The following MCCC1 variants were observed in gnomAD, a reference collection of about 807,000 sequenced individuals.
MCCC1 encodes methylcrotonyl-CoA carboxylase subunit 1.
In MCCC1, 64 loss-of-function variants were observed where a neutral mutation model predicts 83.8. That is an observed-to-expected ratio of 0.76 (90% CI 0.62 to 0.94). MCCC1 has a LOEUF of 0.94. Ranked by LOEUF, MCCC1 falls within the 40% of genes least tolerant of loss-of-function variation. The probability of loss-of-function intolerance (pLI) is 0.00; values close to 1 mark genes in which losing one functional copy is unlikely to be tolerated. For synonymous variants in MCCC1, 322 were observed against 315.4 expected (o/e 1.02, Z -0.22); for missense variants, 807 against 904.7 (o/e 0.89, Z 1.39).
At chr3:183,044,183 A>T (rs1714342282) in intron 10 of MCCC1, among the ~76,000 whole-genome samples, 1 of 152,240 alleles carries the variant, frequency 6.6e-6, no homozygotes, top group African/African-American at 2.4e-5. Context: ...TGCAGGATAT[A>T]CAAGGAACCA....
At chr3:183,020,350 G>T in intron 16 of MCCC1, 113 bp from the exon 17 acceptor site, 1 of 909,534 alleles carries the variant, frequency 1.1e-6, no homozygotes, top group Non-Finnish European at 1.7e-6. Context: ...TAGTCATCAT[G>T]GCCAGGCCCA....
upstream of MCCC1, among the ~76,000 whole-genome samples, chr3:183,101,102 C>G (rs1389805507): frequency 1.3e-5 from 2 of 152,258 alleles, no homozygotes; most frequent in African/African-American, 2.4e-5. Flanking sequence ...GCGCTGCGCT[C>G]GATTTCTCGC....
intron 11 of MCCC1, among the ~76,000 whole-genome samples, chr3:183,040,142 G>A (rs575177273): frequency 2.8e-4 from 42 of 150,448 alleles, no homozygotes; most frequent in African/African-American, 9.3e-4. Context: ...GGAACCGGTG[G>A]GGCAAGCAGA....
Position 183,021,026 on chromosome 3 carries a change from C to G in MCCC1, c.1870-789G>C, listed in dbSNP as rs1460770086. 3.4e-4 allele frequency among the ~76,000 whole-genome samples: 51 copies of G among 152,174 alleles called. 1 individual carries two copies. Among genetic ancestry groups the G allele is most frequent in the Admixed American group, 3.3e-3 (50 of 15,276 alleles). ...AGTGAGCCGAGATGGCACCACTGCA[C>G]TCCAACCTGGACAACAGAGCAAGAC... On this transcript the variant is annotated intron_variant, in intron 16 of 18. Transcript: ENST00000265594.
chr3:183,019,359 T>C (rs1166449548), intron 17 of MCCC1, among the ~76,000 whole-genome samples: 3 of 152,176 alleles, frequency 2.0e-5, no homozygotes, highest in Admixed American at 6.5e-5. Flanking sequence ...TCCAGGATGA[T>C]GGTATTTGGA....
At chr3:183,049,672 G>A (rs779489702) in intron 9 of MCCC1, among the ~76,000 whole-genome samples, 6 of 151,704 alleles carry the variant, frequency 4.0e-5, no homozygotes, top group African/African-American at 7.3e-5. Flanking sequence ...TGCTAGTAAC[G>A]GAACAAAAAG....
At chr3:183,107,060 T>C (rs1444842337) in intron 1 of MCCC1, among the ~76,000 whole-genome samples, 1 of 152,224 alleles carries the variant, frequency 6.6e-6, no homozygotes, top group East Asian at 1.9e-4. Flanking sequence ...TGATACATAC[T>C]ATTATTTATT....
intron 14 of MCCC1, among the ~76,000 whole-genome samples, chr3:183,026,665 G>A (rs1020000850): frequency 2.6e-5 from 4 of 151,954 alleles, no homozygotes; most frequent in Non-Finnish European, 5.9e-5. Flanking sequence ...AGCTGAGATC[G>A]CACCACTGCA....
chr3:183,101,120 T>C (rs1182144342), upstream of MCCC1, among the ~76,000 whole-genome samples: 1 of 152,252 alleles, frequency 6.6e-6, no homozygotes, highest in Non-Finnish European at 1.5e-5. Flanking sequence ...CGCCGGGCCT[T>C]GGCTGCCTTC....
intron 14 of MCCC1, among the ~76,000 whole-genome samples, chr3:183,029,360 AGAC>A (rs937062607): frequency 1.1e-4 from 17 of 152,308 alleles, no homozygotes; most frequent in African/African-American, 4.1e-4. Flanking sequence ...TGGTGACTTA[AGAC>A]GAACATGGCG....
intron 4 of MCCC1, among the ~76,000 whole-genome samples, chr3:183,080,314 C>A (rs1717396689): frequency 6.6e-6 from 1 of 152,202 alleles, no homozygotes; most frequent in African/African-American, 2.4e-5. Flanking sequence ...GAATGCTTTT[C>A]TGCTTAGAAA....
intron 1 of MCCC1, chr3:183,098,742 C>T (rs546736692): frequency 6.5e-6 from 1 of 154,526 alleles, no homozygotes; most frequent in African/African-American, 2.4e-5. Flanking sequence ...CATCTGATAG[C>T]GTTGTTCAAA....
chr3:183,100,732 C>T (rs1033875447), upstream of MCCC1, among the ~76,000 whole-genome samples: 1 of 152,262 alleles, frequency 6.6e-6, no homozygotes, highest in African/African-American at 2.4e-5. Flanking sequence ...TGACAGCGTG[C>T]TGGCAGTCCT....
chr3:183,103,810 G>C (rs980969532), upstream of MCCC1, among the ~76,000 whole-genome samples: 4 of 152,286 alleles, frequency 2.6e-5, no homozygotes, highest in East Asian at 3.9e-4. Flanking sequence ...GGCGCTCATC[G>C]GGAAGGCTCG....
chr3:183,079,109 A>ATATGGGC (rs1717299378), intron 4 of MCCC1, among the ~76,000 whole-genome samples: 1 of 152,178 alleles, frequency 6.6e-6, no homozygotes, highest in Non-Finnish European at 1.5e-5. Context: ...GGGGACACAG[A>ATATGGGC]ACCAAACCAT....
At chr3:183,091,514 G>A (rs1204170166) in intron 3 of MCCC1, among the ~76,000 whole-genome samples, 1 of 152,150 alleles carries the variant, frequency 6.6e-6, no homozygotes, top group Non-Finnish European at 1.5e-5. Context: ...GTTGCAGTGA[G>A]CCAAGAACAC....
chr3:183,081,913 A>G (rs1717527589), intron 4 of MCCC1, among the ~76,000 whole-genome samples: 1 of 152,134 alleles, frequency 6.6e-6, no homozygotes, highest in African/African-American at 2.4e-5. Flanking sequence ...AGAGAGAAAG[A>G]GTTAAGCTGC....
In MCCC1 at chr3:183,039,015, A is replaced by G; in HGVS notation, c.1377+11T>C. The G allele has an allele frequency of 6.2e-7, 1 of 1,612,552 alleles. No individual in the cohort carries two copies. Among genetic ancestry groups the G allele is most frequent in the Non-Finnish European group, 8.5e-7 (1 of 1,178,532 alleles). On this transcript the variant is annotated intron_variant, in intron 12 of 18. Coordinates refer to ENST00000265594, the MANE Select transcript of MCCC1 (RefSeq NM_020166.5). ...ACATCAAGGTCACTGGCACGGTCTC[A>G]GATCACTCACATTGTACTGACGAAG...
intron 4 of MCCC1, among the ~76,000 whole-genome samples, chr3:183,077,353 A>G (rs898702787): frequency 3.3e-5 from 5 of 152,216 alleles, no homozygotes; most frequent in African/African-American, 1.2e-4. Flanking sequence ...TTACATTCCC[A>G]TCAGTAACAT....
Sources: allele counts gnomAD v4.1 joint callset (sites outside exome capture counted in the v4.1 genomes callset), GRCh38; gene constraint gnomAD v4.1.1; transcripts MANE v1.5; gene names NCBI Gene and HGNC (gene_info 2026-07-23, HGNC 2026-07-21).